Variants in CNTN1 observed in about 807,000 individuals in gnomAD.
CNTN1 encodes contactin-1.
CNTN1 carries 38 observed loss-of-function variants against 126.4 expected under a neutral mutation model. The ratio of observed to expected loss-of-function variants is 0.30; its 90% CI spans 0.23 to 0.39. CNTN1 has a LOEUF of 0.39. CNTN1 is among the 10% of genes least tolerant of loss of function. CNTN1 has a pLI of 1.00. For synonymous variants in CNTN1, 413 were observed against 422.6 expected (o/e 0.98, Z 0.28); for missense variants, 1,009 against 1,248.4 (o/e 0.81, Z 2.89).
In CNTN1 at chr12:41,041,654, G is replaced by GT. The variant is rs1211373453; in HGVS notation, c.2980+12436dup. Among the ~76,000 whole-genome samples the GT allele has an allele frequency of 3.3e-5, 5 of 152,272 alleles. No individual in the cohort carries two copies. In the East Asian group the frequency reaches 7.7e-4, roughly 23 times the overall value. On this transcript the variant is annotated intron_variant, in intron 23 of 23. Coordinates refer to ENST00000551295, the MANE Select transcript of CNTN1 (RefSeq NM_001843.4). ...CTGGTTTAGTCTTGGGAGGGTGTAT[G>GT]TGTCAAGGAATTTATCCATTTCTTC...
intron 1 of CNTN1, among the ~76,000 whole-genome samples, chr12:40,725,231 G>A (rs1942319127): frequency 6.6e-6 from 1 of 151,788 alleles, no homozygotes; most frequent in Non-Finnish European, 1.5e-5. Flanking sequence ...GAGAAACCCT[G>A]TCTCTGCTAA....
intron 23 of CNTN1, among the ~76,000 whole-genome samples, chr12:41,049,204 G>A (rs553014302): frequency 1.3e-4 from 20 of 152,260 alleles, no homozygotes; most frequent in South Asian, 2.1e-4. Flanking sequence ...GACTCAGTAC[G>A]TCAGTAATTC....
intron 1 of CNTN1, among the ~76,000 whole-genome samples, chr12:40,758,381 A>G (rs1938695501): frequency 1.3e-5 from 2 of 151,952 alleles, no homozygotes; most frequent in African/African-American, 4.8e-5. Context: ...AAATTCTGCA[A>G]CCAGTTACTG....
At chr12:41,055,041 G>T (rs1030490852) in intron 23 of CNTN1, among the ~76,000 whole-genome samples, 1 of 152,068 alleles carries the variant, frequency 6.6e-6, no homozygotes, top group Non-Finnish European at 1.5e-5. Context: ...TCTGACATTT[G>T]CACAACTGTG....
chr12:41,044,490 A>T (rs887203255), intron 23 of CNTN1, among the ~76,000 whole-genome samples: 1 of 152,166 alleles, frequency 6.6e-6, no homozygotes, highest in African/African-American at 2.4e-5. Context: ...ATCATTAATG[A>T]CATAAAAATT....
chr12:40,906,827 G>A (rs553570912), intron 1 of CNTN1, among the ~76,000 whole-genome samples: 30 of 151,750 alleles, frequency 2.0e-4, no homozygotes, highest in South Asian at 1.9e-3. Flanking sequence ...ACAGGCATGC[G>A]CCACTAAGCC....
rs375654369 is a variant in CNTN1 at position 40,846,509 on chromosome 12, C to T, written c.-76-61848C>T. On this transcript the variant is annotated intron_variant, in intron 1 of 23. Coordinates refer to ENST00000551295, the MANE Select transcript of CNTN1 (RefSeq NM_001843.4). Reference sequence around the variant, plus strand: ...AAATGCTTCCATGAAGTCCTGGCAGCATTTTCATTGCTCCCATGTGTCGTC... The same window carrying T: ...AAATGCTTCCATGAAGTCCTGGCAGTATTTTCATTGCTCCCATGTGTCGTC... Among the ~76,000 whole-genome samples the T allele has an allele frequency of 2.8e-4, 42 of 152,270 alleles. 1 individual carries two copies. Among genetic ancestry groups the T allele is most frequent in the African/African-American group, 9.9e-4 (41 of 41,558 alleles).
chr12:40,721,340 C>CT (rs1004921414), intron 1 of CNTN1, among the ~76,000 whole-genome samples: 7 of 151,880 alleles, frequency 4.6e-5, no homozygotes, highest in Admixed American at 2.6e-4. Context: ...GGACCACCTC[C>CT]TTTTTTTTAT....
intron 23 of CNTN1, among the ~76,000 whole-genome samples, chr12:41,038,631 C>T (rs1412265114): frequency 6.6e-6 from 1 of 152,058 alleles, no homozygotes; most frequent in African/African-American, 2.4e-5. Context: ...AAATTCTGCC[C>T]AAACAGAGGT....
At chr12:40,939,232 C>A in intron 11 of CNTN1, 103 bp from the exon 12 acceptor site, 1 of 1,247,818 alleles carries the variant, frequency 8.0e-7, no homozygotes, top group Non-Finnish European at 1.1e-6. Flanking sequence ...GAGATTAATC[C>A]TTTCCATTAA....
intron 1 of CNTN1, among the ~76,000 whole-genome samples, chr12:40,805,577 A>G (rs12823757): frequency 0.028 from 4,257 of 152,234 alleles, 89 homozygotes; most frequent in Middle Eastern, 0.085. Context: ...AAGGTTTCCC[A>G]CTGTGCCCTT....
intron 22 of CNTN1, 125 bp from the exon 23 acceptor site, chr12:41,028,938 C>T: frequency 1.1e-6 from 1 of 935,592 alleles, no homozygotes; most frequent in South Asian, 1.5e-5. Context: ...TTAGTTTTTC[C>T]TCTTGTTTTA....
At position 41,020,215 on chromosome 12, in the gene CNTN1, G is replaced by A. The variant is rs991008066; in HGVS notation, c.2420-122G>A. The A allele has an allele frequency of 2.4e-5, 15 of 627,370 alleles. No homozygotes were observed. In the East Asian group the frequency reaches 3.1e-4, roughly 13 times the overall value. The allele number at this position is 627,370 out of a possible 1,614,324, so 38.9% of individuals were successfully genotyped here. A position where few individuals can be genotyped will look rare whatever the true frequency, so the allele number is the denominator to read the frequency against. On this transcript the variant is annotated intron_variant, in intron 19 of 23. Transcript: ENST00000551295. The stretch of plus-strand genomic sequence containing the variant: ...TTGCACTTAGTTTGAAAATAGTAAA[G>A]CTATTTTAGAAACATTAAAATTAAA...
intron 1 of CNTN1, among the ~76,000 whole-genome samples, chr12:40,790,217 G>A (rs1940167716): frequency 6.6e-6 from 1 of 152,122 alleles, no homozygotes. Context: ...TGGCCTTTGA[G>A]ATTTGTCACA....
At chr12:40,832,731 A>G (rs1020645005) in intron 1 of CNTN1, among the ~76,000 whole-genome samples, 3 of 152,196 alleles carry the variant, frequency 2.0e-5, no homozygotes, top group Non-Finnish European at 2.9e-5. Context: ...TACTGGAGTT[A>G]GTATACAACT....
intron 17 of CNTN1, among the ~76,000 whole-genome samples, chr12:41,012,675 T>C (rs553581184): frequency 6.6e-6 from 1 of 152,332 alleles, no homozygotes; most frequent in East Asian, 1.9e-4. Flanking sequence ...TTCTCCCCAG[T>C]AAGCCTGTCC....
intron 1 of CNTN1, among the ~76,000 whole-genome samples, chr12:40,795,578 T>TACAC (rs549330420): frequency 2.1e-5 from 3 of 145,062 alleles, no homozygotes; most frequent in African/African-American, 5.1e-5. Flanking sequence ...TTCTGAAAAA[T>TACAC]ACACACACAC....
chr12:40,985,773 C>G (rs1947941290), intron 16 of CNTN1, among the ~76,000 whole-genome samples: 1 of 152,054 alleles, frequency 6.6e-6, no homozygotes, highest in Non-Finnish European at 1.5e-5. Context: ...AATATTTCCT[C>G]TGCTCTACTC....
chr12:40,967,469 G>A (rs1947349627), intron 15 of CNTN1, among the ~76,000 whole-genome samples: 1 of 152,110 alleles, frequency 6.6e-6, no homozygotes, highest in South Asian at 2.1e-4. Flanking sequence ...GACAGAGTGA[G>A]ACTGTCTCAA....
Sources: allele counts gnomAD v4.1 joint callset (sites outside exome capture counted in the v4.1 genomes callset), GRCh38; gene constraint gnomAD v4.1.1; transcripts MANE v1.5; gene names NCBI Gene and HGNC (gene_info 2026-07-23, HGNC 2026-07-21).